ZNF346: variants seen among roughly 807,000 people sequenced by gnomAD.
ZNF346 encodes double-stranded RNA-binding zinc finger protein JAZ.
A neutral mutation model predicts 33.7 loss-of-function variants in ZNF346; 23 were observed. The observed-to-expected ratio is 0.68, with a 90% CI of 0.49 to 0.97. ZNF346 has a LOEUF of 0.97. Ranked by LOEUF, ZNF346 falls within the 50% of genes least tolerant of loss-of-function variation. The pLI is 0.00. For missense variants in ZNF346, 340 were observed against 371.1 expected, an observed-to-expected ratio of 0.92 and a Z score of 0.69; for synonymous variants, 134 against 142.4, an observed-to-expected ratio of 0.94 and a Z score of 0.42.
chr5:177,023,127 GT>G (rs1217349243), intron 1 of ZNF346: 3 of 1,506,972 alleles, frequency 2.0e-6, no homozygotes, highest in Non-Finnish European at 1.8e-6. Flanking sequence ...CAGGCCCTGG[GT>G]TTTCCTCCTC....
At position 177,049,873 on chromosome 5, in the gene ZNF346, G is replaced by T. The variant is rs527643504; in HGVS notation, c.518-878G>T. 5.3e-5 allele frequency among the ~76,000 whole-genome samples: 8 copies of T among 151,498 alleles called. No homozygotes were observed. The South Asian group carries it at 1.0e-3, about 20-fold the overall frequency. ...TTTTTTGAGGTGGAGTTTCGCTCTT[G>T]TCGCCCAGGCTGGAGTGCAGTGGCG... On this transcript the variant is annotated intron_variant, in intron 4 of 6. Coordinates refer to ENST00000358149, the MANE Select transcript of ZNF346 (RefSeq NM_012279.4).
intron 2 of ZNF346, 70 bp from the exon 3 acceptor site, chr5:177,041,708 A>C (rs1779358396): frequency 2.1e-6 from 2 of 959,690 alleles, no homozygotes; most frequent in East Asian, 2.5e-5. Context: ...AAATCTCATA[A>C]GTGTTTTTGA....
At chr5:177,058,500 G>A (rs866922754) in intron 5 of ZNF346, among the ~76,000 whole-genome samples, 1 of 151,630 alleles carries the variant, frequency 6.6e-6, no homozygotes, top group African/African-American at 2.4e-5. Flanking sequence ...AAAATAACTA[G>A]GCAGAGAGTC....
At chr5:177,073,624 A>G (rs1005153477) in intron 8 of ZNF346, among the ~76,000 whole-genome samples, 1 of 152,038 alleles carries the variant, frequency 6.6e-6, no homozygotes, top group African/African-American at 2.4e-5. Context: ...ATTGAGGGAG[A>G]TGATCCTCTA....
At chr5:177,033,765 C>A (rs1029905688) in intron 1 of ZNF346, among the ~76,000 whole-genome samples, 1 of 152,102 alleles carries the variant, frequency 6.6e-6, no homozygotes, top group East Asian at 1.9e-4. Context: ...CCTCGTGATC[C>A]ACCCACCTCG....
At position 177,036,525 on chromosome 5, in the gene ZNF346, C is replaced by T. The variant is rs552311843; in HGVS notation, c.176-4601C>T. Among the ~76,000 whole-genome samples, 4 of 152,168 alleles carry T rather than the reference C, an allele frequency of 2.6e-5. No individual in the cohort carries two copies. The East Asian group carries it at 7.7e-4, about 29-fold the overall frequency. On this transcript the variant is annotated intron_variant, in intron 1 of 6. Coordinates refer to ENST00000358149, the MANE Select transcript of ZNF346 (RefSeq NM_012279.4). ...TGAGATCTACCCTTCCCACGAGGTC[C>T]TTTTGCATCTCTTTTGTGTGTGTAC...
At chr5:177,023,126 G>C (rs1581752846) in intron 1 of ZNF346, 1 of 1,503,800 alleles carries the variant, frequency 6.6e-7, no homozygotes, top group South Asian at 1.2e-5. Context: ...TCAGGCCCTG[G>C]GTTTTCCTCC....
At chr5:177,081,079 C>T (rs1281916970) in exon 9 of ZNF346, 1 of 137,840 alleles carries the variant, frequency 7.3e-6, no homozygotes, top group Non-Finnish European at 1.5e-5. Flanking sequence ...CCTGTTTCAA[C>T]TTAAAAAAAA....
intron 1 of ZNF346, among the ~76,000 whole-genome samples, chr5:177,024,996 T>C (rs1776557252): frequency 1.3e-5 from 2 of 152,202 alleles, no homozygotes; most frequent in Admixed American, 1.3e-4. Context: ...AAGTCACCCA[T>C]TGTAAGCATA....
At chr5:177,033,734 A>G (rs1253336170) in intron 1 of ZNF346, among the ~76,000 whole-genome samples, 1 of 152,096 alleles carries the variant, frequency 6.6e-6, no homozygotes, top group African/African-American at 2.4e-5. Flanking sequence ...CATGTTAGCC[A>G]GGATGGTCTC....
chr5:177,069,747 G>A (rs893419073), downstream of ZNF346, among the ~76,000 whole-genome samples: 4 of 151,380 alleles, frequency 2.6e-5, no homozygotes, highest in African/African-American at 9.7e-5. Context: ...GGCTGGTCTC[G>A]AACTCCTGGG....
chr5:177,064,596 CTA>C lies in ZNF346; in HGVS notation c.883_884del (p.Ter295GlufsTer53). The C allele has an allele frequency of 1.2e-6, 2 of 1,613,446 alleles. No individual in the cohort carries two copies. The highest frequency in any genetic ancestry group is 1.7e-6 in the Non-Finnish European group (2 of 1,179,324). ...AGAAAGACTCAACCACCTTGGAAGA[CTA>C]GAGGTGATTCTGCCCAGCATCCCAT... ...IQKDSTTLED* is the reference protein window; with the variant it reads ...IQKDSTTLEDX On this transcript the variant is annotated frameshift_variant and stop_lost, in exon 7 of 7. Transcript: ENST00000358149. LOFTEE classifies it high-confidence loss of function.
intron 5 of ZNF346, among the ~76,000 whole-genome samples, chr5:177,056,041 A>C (rs1486307688): frequency 7.0e-6 from 1 of 143,280 alleles, no homozygotes; most frequent in Non-Finnish European, 1.5e-5. Context: ...GTGTCACTGC[A>C]CTCCAGCCTG....
chr5:177,068,430 G>C (rs1458198093), downstream of ZNF346, among the ~76,000 whole-genome samples: 1 of 144,132 alleles, frequency 6.9e-6, no homozygotes, highest in African/African-American at 2.9e-5. Context: ...AGGAAGAATT[G>C]TCTATCCCTC....
chr5:177,030,798 C>T (rs1245136837), intron 1 of ZNF346, among the ~76,000 whole-genome samples: 1 of 151,880 alleles, frequency 6.6e-6, no homozygotes, highest in Non-Finnish European at 1.5e-5. Context: ...TCCCTGGCAA[C>T]GACTTATCTC....
chr5:177,054,217 G>A (rs547004034), intron 5 of ZNF346, among the ~76,000 whole-genome samples: 4 of 151,356 alleles, frequency 2.6e-5, no homozygotes, highest in East Asian at 2.0e-4. Flanking sequence ...AACCACAGGT[G>A]TGTGCCACCA....
chr5:177,064,408 CCTGT>C, intron 6 of ZNF346, 100 bp from the exon 7 acceptor site: 1 of 861,932 alleles, frequency 1.2e-6, no homozygotes. Context: ...GGAAAGGTGT[CCTGT>C]CTATTACTCC....
At chr5:177,045,004 T>A (rs979731863) in intron 4 of ZNF346, among the ~76,000 whole-genome samples, 1 of 152,220 alleles carries the variant, frequency 6.6e-6, no homozygotes, top group Non-Finnish European at 1.5e-5. Flanking sequence ...GGGACTTGCC[T>A]TTCAAAGCTG....
At chr5:177,058,032 G>GC (rs1478444318) in intron 5 of ZNF346, among the ~76,000 whole-genome samples, 4 of 150,700 alleles carry the variant, frequency 2.7e-5, no homozygotes, top group African/African-American at 9.7e-5. Context: ...TGTTGGCCAT[G>GC]CTGGTCTCAG....
Sources: gnomAD v4.1 joint callset for allele counts (sites outside exome capture counted in the v4.1 genomes callset) on GRCh38, gnomAD v4.1.1 for gene constraint, MANE v1.5 for transcripts, NCBI Gene and HGNC (gene_info 2026-07-23, HGNC 2026-07-21) for gene names.